The following WFDC1 variants were observed in gnomAD, a reference collection of about 807,000 sequenced individuals.
WFDC1 encodes the protein WAP four-disulfide core domain 1, also known as WAP four-disulfide core domain protein 1.
In WFDC1, 39 loss-of-function variants were observed where a neutral mutation model predicts 32.9. The observed-to-expected ratio is 1.19, with a 90% CI of 0.92 to 1.55. The LOEUF (loss-of-function observed/expected upper bound fraction) is 1.55. WFDC1 is among the 40% of genes most tolerant of loss of function. The probability of loss-of-function intolerance (pLI) is 0.00; values close to 1 mark genes in which losing one functional copy is unlikely to be tolerated. For synonymous variants in WFDC1, 184 were observed against 137.4 expected (o/e 1.34, Z -2.37); for missense variants, 386 against 309.5 (o/e 1.25, Z -1.85).
intron 1 of WFDC1, among the ~76,000 whole-genome samples, chr16:84,310,380 C>G (rs186845838): frequency 3.3e-5 from 5 of 152,208 alleles, no homozygotes; most frequent in African/African-American, 1.2e-4. Context: ...GGCGCCCACA[C>G]TGTCATCAAA....
At chr16:84,295,794 G>C (rs149135608) in intron 1 of WFDC1, 1 of 152,384 alleles carries the variant, frequency 6.6e-6, no homozygotes, top group Non-Finnish European at 1.5e-5. Flanking sequence ...CAGGCAAGCT[G>C]CTTGACGTCT....
intron 2 of WFDC1, among the ~76,000 whole-genome samples, chr16:84,313,471 C>T (rs191096027): frequency 1.2e-4 from 19 of 152,318 alleles, no homozygotes; most frequent in African/African-American, 4.3e-4. Context: ...CAGCAGACAC[C>T]CATTCCCGGG....
intron 2 of WFDC1, among the ~76,000 whole-genome samples, chr16:84,315,865 G>T (rs779630809): frequency 6.6e-6 from 1 of 152,318 alleles, no homozygotes; most frequent in South Asian, 2.1e-4. Context: ...CAGAGACAAG[G>T]ACTTGGGCCC....
At chr16:84,319,314 C>T (rs1463546974) in intron 3 of WFDC1, 117 bp from the exon 4 acceptor site, 6 of 1,443,126 alleles carry the variant, frequency 4.2e-6, no homozygotes, top group South Asian at 1.4e-5. Flanking sequence ...GCGAGGCCGC[C>T]TCTCTGGGTG....
intron 1 of WFDC1, among the ~76,000 whole-genome samples, chr16:84,296,686 A>G (rs540876476): frequency 1.9e-4 from 29 of 152,274 alleles, no homozygotes; most frequent in African/African-American, 7.0e-4. Context: ...AAAGAGTAGT[A>G]GAGTGACATG....
Position 84,319,499 on chromosome 16 carries a change from A to C in WFDC1, c.490A>C (p.Ile164Leu), listed in dbSNP as rs1320006158. 1 of 1,612,878 alleles carries C rather than the reference A, an allele frequency of 6.2e-7. No homozygotes were observed. The highest frequency in any genetic ancestry group is 1.1e-5 in the South Asian group (1 of 91,080). ...CTGTCCCTCGGGCTATGAGTGCCAC[A>C]TCCTGAGCCCAGGTGACGTGGCCGA... is the stretch of plus-strand genomic sequence containing the variant. ...LLCPSGYECH[I>L]LSPGDVAEGI... The change falls in exon 4 of 7, where the codon ATC (isoleucine) becomes CTC (leucine). Residue 164 changes from isoleucine to leucine, a missense_variant. By Grantham distance (5) the Ile-to-Leu change is conservative. Coordinates refer to ENST00000219454, the MANE Select transcript of WFDC1 (RefSeq NM_021197.4).
chr16:84,325,149 T>A (rs537310642), intron 5 of WFDC1, among the ~76,000 whole-genome samples: 2 of 151,858 alleles, frequency 1.3e-5, no homozygotes, highest in Non-Finnish European at 2.9e-5. Flanking sequence ...CATTCATCTA[T>A]CCATCCATCC....
At chr16:84,307,274 T>C (rs1490391541) in intron 1 of WFDC1, among the ~76,000 whole-genome samples, 1 of 152,210 alleles carries the variant, frequency 6.6e-6, no homozygotes, top group Non-Finnish European at 1.5e-5. Flanking sequence ...GTAAAAGCTA[T>C]TTCCCAGAAC....
rs548706417 is a variant in WFDC1 at position 84,318,853 on chromosome 16, A to G, written c.421+498A>G. On this transcript the variant is annotated intron_variant, in intron 3 of 6. Coordinates refer to ENST00000219454, the MANE Select transcript of WFDC1 (RefSeq NM_021197.4). ...TGTGTGTTGTGTGACTGTGTCCGCT[A>G]GAGTGTGCGGCCGTATATGCAACTG... 129 of 212,406 alleles carry G rather than the reference A, an allele frequency of 6.1e-4. 1 individual carries two copies. In the Middle Eastern group the frequency reaches 9.7e-3, roughly 16 times the overall value. The allele number at this position is 212,406 out of a possible 1,614,324, so 13.2% of individuals were successfully genotyped here.
rs780154110 is a variant in WFDC1, at chr16:84,326,883, A to T, written c.606A>T (p.Glu202Asp). 4 of 1,614,108 alleles carry T rather than the reference A, an allele frequency of 2.5e-6. No homozygotes were observed. The highest frequency in any genetic ancestry group is 1.7e-4 in the Middle Eastern group (1 of 6,060). Reference sequence around the variant, plus strand: ...AACAGAGCTGTGTTCTTTTCACAGAAGGTGACTCAAAGAATGTGGCAGAAC... The same window carrying T: ...AACAGAGCTGTGTTCTTTTCACAGATGGTGACTCAAAGAATGTGGCAGAAC... ...LRHKLYKEYP[E>D]GDSKNVAEPG... Residue 202 changes from glutamate to aspartate, a missense_variant and splice_region_variant, in exon 6 of 7, where the codon GAA (glutamate) becomes GAT (aspartate). Coordinates refer to ENST00000219454, the MANE Select transcript of WFDC1 (RefSeq NM_021197.4).
chr16:84,328,502 T>C (rs1908733815), intron 6 of WFDC1: 1 of 152,202 alleles, frequency 6.6e-6, no homozygotes, highest in Non-Finnish European at 1.5e-5. Context: ...CCGTAGGGAC[T>C]GATGCCAGCA....
chr16:84,323,972 T>A (rs1375852455), intron 4 of WFDC1, among the ~76,000 whole-genome samples: 3 of 152,184 alleles, frequency 2.0e-5, no homozygotes, highest in Admixed American at 2.0e-4. Flanking sequence ...AATACAAAAT[T>A]GACTGGGTGT....
chr16:84,327,512 A>G (rs1908672708), intron 6 of WFDC1: 1 of 152,914 alleles, frequency 6.5e-6, no homozygotes, highest in African/African-American at 2.4e-5. Context: ...ACTCTTGTTT[A>G]TATCCATTAG....
rs1179573515 is a variant in WFDC1, at chr16:84,313,047, C to T, written c.231C>T (p.Ala77=). The change falls in exon 2 of 7, where the codon GCC becomes GCT. Residue 77 remains alanine, a synonymous_variant. Transcript: ENST00000219454. Reference sequence around the variant, plus strand: ...CTCCGCGGACGCTGCCCCCCGGCGCCTGCCAGGCCGCGCGCTGTCAGGCGG... The same window carrying T: ...CTCCGCGGACGCTGCCCCCCGGCGCTTGCCAGGCCGCGCGCTGTCAGGCGG... ...PPPPRTLPPG[A]CQAARCQADS... 3 of 1,380,034 alleles carry T rather than the reference C, an allele frequency of 2.2e-6. No individual in the cohort carries two copies. The highest frequency in any genetic ancestry group is 2.8e-6 in the Non-Finnish European group (3 of 1,068,572). The allele number at this position is 1,380,034 out of a possible 1,614,324, so 85.5% of individuals were successfully genotyped here.
chr16:84,324,601 G>T (rs1908482000), intron 5 of WFDC1, 141 bp downstream of exon 5: 4 of 924,166 alleles, frequency 4.3e-6, no homozygotes, highest in Non-Finnish European at 6.5e-6. Flanking sequence ...CAAAATAGAA[G>T]ACCTGTGGTC....
chr16:84,312,901 G>T, intron 1 of WFDC1, 60 bp from the exon 2 acceptor site: 3 of 1,074,376 alleles, frequency 2.8e-6, no homozygotes, highest in Non-Finnish European at 3.4e-6. Flanking sequence ...TGCAAGCTCC[G>T]GGTGGCGCCG....
chr16:84,323,562 T>C (rs62050727), intron 4 of WFDC1, among the ~76,000 whole-genome samples: 4,164 of 152,340 alleles, frequency 0.027, 196 homozygotes, highest in African/African-American at 0.094. Context: ...ACTGCATAGA[T>C]ATGTTTTAAA....
chr16:84,301,932 G>C (rs1159093601), intron 1 of WFDC1, among the ~76,000 whole-genome samples: 2 of 152,206 alleles, frequency 1.3e-5, no homozygotes, highest in African/African-American at 4.8e-5. Context: ...AGACAGGAAA[G>C]CAGGACACCT....
chr16:84,318,370 A>C lies in WFDC1; in HGVS notation c.421+15A>C. ...GGTGTTACAAGGTACCTGCCGGGTAAAGCCCAGACCCTACATCCAAGCCTC... is the reference window on the plus strand; with the variant it reads ...GGTGTTACAAGGTACCTGCCGGGTACAGCCCAGACCCTACATCCAAGCCTC... On this transcript the variant is annotated intron_variant, in intron 3 of 6. Coordinates refer to ENST00000219454, the MANE Select transcript of WFDC1 (RefSeq NM_021197.4). 6.2e-7 allele frequency: 1 copy of C among 1,613,162 alleles called. No homozygotes were observed. The highest frequency in any genetic ancestry group is 8.5e-7 in the Non-Finnish European group (1 of 1,179,294).
Sources: gnomAD v4.1 joint callset for allele counts (sites outside exome capture counted in the v4.1 genomes callset) on GRCh38, gnomAD v4.1.1 for gene constraint, MANE v1.5 for transcripts, NCBI Gene and HGNC (gene_info 2026-07-23, HGNC 2026-07-21) for gene names.